RBFOX3: variants seen among roughly 807,000 people sequenced by gnomAD.
RBFOX3 encodes RNA binding fox-1 homolog 3, also known as RNA binding protein fox-1 homolog 3.
RBFOX3 carries 17 observed loss-of-function variants against 48.7 expected under a neutral mutation model. That is an observed-to-expected ratio of 0.35 (90% CI 0.24 to 0.52). RBFOX3 has a LOEUF of 0.52. RBFOX3 is among the 20% of genes least tolerant of loss of function. The pLI, the probability that RBFOX3 is intolerant of heterozygous loss-of-function variation, is 0.94. For synonymous variants in RBFOX3, 212 were observed against 209.5 expected, an observed-to-expected ratio of 1.01 and a Z score of -0.10; for missense variants, 382 against 497.5, an observed-to-expected ratio of 0.77 and a Z score of 2.21.
intron 4 of RBFOX3, among the ~76,000 whole-genome samples, chr17:79,221,234 C>T (rs138446796): frequency 9.2e-5 from 14 of 152,358 alleles, no homozygotes; most frequent in Non-Finnish European, 1.6e-4. Flanking sequence ...AGGGCCCGGT[C>T]GGGAGCCTGC....
Position 79,214,821 on chromosome 17 carries a change from T to G in RBFOX3, c.-34+20945A>C, listed in dbSNP as rs774341419. ...ACAGGATATTAGCGTTTAAACAGCT[T>G]CTATTACTCCAGGGCAAACTTTAAA... On this transcript the variant is annotated intron_variant, in intron 4 of 14. Coordinates refer to ENST00000693108, the MANE Select transcript of RBFOX3 (RefSeq NM_001350451.2). This position sits in a 1 kb window ranked among gnomAD's most constrained non-coding sequence, Gnocchi z 4.7. 2.0e-5 allele frequency among the ~76,000 whole-genome samples: 3 copies of G among 152,136 alleles called. No homozygotes were observed. Among genetic ancestry groups the G allele is most frequent in the Non-Finnish European group, 2.9e-5 (2 of 67,988 alleles).
the RBFOX3 span, among the ~76,000 whole-genome samples, chr17:79,650,840 G>A: frequency 6.6e-6 from 1 of 152,170 alleles, no homozygotes; most frequent in Admixed American, 6.5e-5. Flanking sequence ...CAAGCGCCCT[G>A]CAGGCTCCAG....
intron 2 of RBFOX3, among the ~76,000 whole-genome samples, chr17:79,416,778 T>C (rs1646003726): frequency 6.6e-6 from 1 of 152,250 alleles, no homozygotes; most frequent in Non-Finnish European, 1.5e-5. Context: ...GCTGGCTGTT[T>C]TGTGACCTTT....
the RBFOX3 span, among the ~76,000 whole-genome samples, chr17:79,626,019 G>C: frequency 6.6e-6 from 1 of 152,244 alleles, no homozygotes; most frequent in Non-Finnish European, 1.5e-5. Flanking sequence ...TGAACAGTTA[G>C]TGGGAAATAG....
chr17:79,122,202 C>T (rs2035938279), intron 4 of RBFOX3, among the ~76,000 whole-genome samples: 1 of 152,210 alleles, frequency 6.6e-6, no homozygotes, highest in Admixed American at 6.5e-5. Flanking sequence ...CCTGAACCGC[C>T]CACTGCTCCC....
At chr17:79,455,561 G>A (rs1555744359) in intron 2 of RBFOX3, among the ~76,000 whole-genome samples, 2 of 152,078 alleles carry the variant, frequency 1.3e-5, no homozygotes, top group African/African-American at 4.8e-5. Flanking sequence ...GTGAAAGGGG[G>A]AGGCCAGGCA....
chr17:79,112,444 G>A (rs982043284), intron 5 of RBFOX3, among the ~76,000 whole-genome samples: 1 of 152,186 alleles, frequency 6.6e-6, no homozygotes, highest in Non-Finnish European at 1.5e-5. Flanking sequence ...GCAGGAAGAG[G>A]CCTCGTGGTT....
intron 1 of RBFOX3, among the ~76,000 whole-genome samples, chr17:79,591,656 C>A (rs1359999902): frequency 1.3e-5 from 2 of 152,198 alleles, no homozygotes; most frequent in African/African-American, 2.4e-5. Context: ...TGTTGGGTCA[C>A]CGCCTTTGCT....
chr17:79,630,112 A>T, the RBFOX3 span, among the ~76,000 whole-genome samples: 2 of 152,254 alleles, frequency 1.3e-5, no homozygotes, highest in East Asian at 1.9e-4. Flanking sequence ...TCATGGATCC[A>T]GTTTCTCCCC....
At chr17:79,549,969 A>G (rs1178124638) in intron 1 of RBFOX3, among the ~76,000 whole-genome samples, 1 of 152,170 alleles carries the variant, frequency 6.6e-6, no homozygotes, top group Admixed American at 6.5e-5. Context: ...GCTAACTTGT[A>G]GGGCAGGACG....
chr17:79,133,630 C>T (rs1034582305), intron 4 of RBFOX3, among the ~76,000 whole-genome samples: 3 of 152,212 alleles, frequency 2.0e-5, no homozygotes, highest in African/African-American at 7.2e-5. Context: ...CCTCCTCCAT[C>T]CTTGCTCAAG....
intron 2 of RBFOX3, among the ~76,000 whole-genome samples, chr17:79,463,786 C>T (rs1402725015): frequency 1.3e-5 from 2 of 151,572 alleles, no homozygotes; most frequent in African/African-American, 2.4e-5. Context: ...CTGCCACCTC[C>T]ACCACCATCT....
At chr17:79,165,479 T>G (rs180690106) in intron 4 of RBFOX3, among the ~76,000 whole-genome samples, 182 of 152,258 alleles carry the variant, frequency 1.2e-3, no homozygotes, top group Non-Finnish European at 2.0e-3. Context: ...CCCATCCCTC[T>G]GGGGGACAGG....
chr17:79,184,445 C>T (rs1490097934), intron 4 of RBFOX3, among the ~76,000 whole-genome samples: 4 of 152,214 alleles, frequency 2.6e-5, no homozygotes, highest in African/African-American at 9.7e-5. Context: ...TCGGCAGTGC[C>T]CCTTGTTCCA....
chr17:79,252,453 C>T lies in RBFOX3; in HGVS notation c.-73-16648G>A, dbSNP rs1048907618. Among the ~76,000 whole-genome samples, 1 of 152,164 alleles carries T rather than the reference C, an allele frequency of 6.6e-6. No homozygotes were observed. Among genetic ancestry groups the T allele is most frequent in the African/African-American group, 2.4e-5 (1 of 41,430 alleles). On this transcript the variant is annotated intron_variant, in intron 3 of 14. Transcript: ENST00000693108. The surrounding 1 kb of genome is among the most constrained non-coding windows in gnomAD (Gnocchi z 4.0). The stretch of plus-strand genomic sequence containing the variant: ...GCTGGGGTCCACTCTGACCCTCCCT[C>T]TCTTCCTCCCCCATCCTCCAATCCA...
Position 79,386,741 on chromosome 17 carries a change from C to T in RBFOX3, c.-174-78917G>A, listed in dbSNP as rs1292570125. ...TGGGGTCCAGCCCCTCCAGGCTACC[C>T]GGCCCCACCCCCTACTCCAAGCAGG... On this transcript the variant is annotated intron_variant, in intron 2 of 14. Coordinates refer to ENST00000693108, the MANE Select transcript of RBFOX3 (RefSeq NM_001350451.2). 3.3e-5 allele frequency among the ~76,000 whole-genome samples: 5 copies of T among 152,218 alleles called. No individual in the cohort carries two copies. The East Asian group carries it at 5.8e-4, about 18-fold the overall frequency.
the RBFOX3 span, among the ~76,000 whole-genome samples, chr17:79,663,191 G>A: frequency 0.015 from 2,300 of 152,156 alleles, 54 homozygotes; most frequent in African/African-American, 0.052. Flanking sequence ...TTATGGCTTA[G>A]GTAGAAATGC....
chr17:79,217,142 T>C (rs1261397858), intron 4 of RBFOX3, among the ~76,000 whole-genome samples: 9 of 152,230 alleles, frequency 5.9e-5, no homozygotes, highest in African/African-American at 2.2e-4. Context: ...GGTTCCTCCC[T>C]GCAACCCACT....
chr17:79,173,490 T>G (rs1295553989), intron 4 of RBFOX3, among the ~76,000 whole-genome samples: 2 of 152,098 alleles, frequency 1.3e-5, no homozygotes, highest in African/African-American at 2.4e-5. Flanking sequence ...GAGGGCCTAT[T>G]CTCTCTAAGG....
Sources: allele counts gnomAD v4.1 joint callset (sites outside exome capture counted in the v4.1 genomes callset), GRCh38; gene constraint gnomAD v4.1.1; non-coding constraint Gnocchi (gnomAD v3.1); transcripts MANE v1.5; gene names NCBI Gene and HGNC (gene_info 2026-07-23, HGNC 2026-07-21).